Variants in DNAH6 observed in about 807,000 individuals in gnomAD.
DNAH6 encodes axonemal beta dynein heavy chain 6.
DNAH6 carries 340 observed loss-of-function variants against 491.4 expected under a neutral mutation model. The ratio of observed to expected loss-of-function variants is 0.69; its 90% confidence interval spans 0.63 to 0.76. The LOEUF is 0.76. Among genes scored for constraint, DNAH6 ranks in the 30% least tolerant of loss-of-function variants. The pLI, the probability that DNAH6 is intolerant of heterozygous loss-of-function variation, is 0.00. For synonymous variants in DNAH6, 1,603 were observed against 1,686.1 expected (o/e 0.95, Z 1.21); for missense variants, 4,443 against 4,972.2 (o/e 0.89, Z 3.20).
chr2:84,646,000 T>C (rs1689856079), intron 33 of DNAH6, among the ~76,000 whole-genome samples: 1 of 152,254 alleles, frequency 6.6e-6, no homozygotes, highest in African/African-American at 2.4e-5. Flanking sequence ...ACTTCGCAGA[T>C]ATCATATATT....
intron 51 of DNAH6, among the ~76,000 whole-genome samples, chr2:84,704,790 T>C (rs780027691): frequency 3.3e-5 from 5 of 152,250 alleles, no homozygotes; most frequent in Admixed American, 6.5e-5. Flanking sequence ...CTTGGAGATA[T>C]GTAGTTTTCA....
intron 14 of DNAH6, among the ~76,000 whole-genome samples, chr2:84,581,356 G>T (rs539643240): frequency 6.6e-6 from 1 of 152,242 alleles, no homozygotes; most frequent in African/African-American, 2.4e-5. Flanking sequence ...CTTTTTTTTG[G>T]AATGTCATTC....
chr2:84,490,416 T>C, the DNAH6 span, among the ~76,000 whole-genome samples: 1 of 152,060 alleles, frequency 6.6e-6, no homozygotes, highest in East Asian at 1.9e-4. Flanking sequence ...ACAATCAAAA[T>C]ATAGAACTCC....
intron 18 of DNAH6, among the ~76,000 whole-genome samples, chr2:84,596,446 C>G (rs951533939): frequency 6.6e-6 from 1 of 151,948 alleles, no homozygotes; most frequent in East Asian, 1.9e-4. Flanking sequence ...GCCCCAGCCT[C>G]CTGAGTAGCT....
intron 60 of DNAH6, among the ~76,000 whole-genome samples, chr2:84,723,823 C>G (rs747320771): frequency 1.6e-4 from 25 of 152,184 alleles, no homozygotes; most frequent in Non-Finnish European, 1.3e-4. Flanking sequence ...TGTTTTCACC[C>G]CTTATCCTCT....
chr2:84,757,027 A>G (rs1282943057), intron 63 of DNAH6, among the ~76,000 whole-genome samples: 1 of 152,238 alleles, frequency 6.6e-6, no homozygotes, highest in Non-Finnish European at 1.5e-5. Context: ...ATGATCCCGC[A>G]ATCCAGACAT....
intron 18 of DNAH6, among the ~76,000 whole-genome samples, chr2:84,599,743 A>G (rs532372255): frequency 1.6e-4 from 25 of 152,116 alleles, no homozygotes; most frequent in African/African-American, 5.5e-4. Context: ...TTTCATCAAT[A>G]CTACACTTTC....
chr2:84,530,886 T>C (rs146939549), intron 4 of DNAH6, among the ~76,000 whole-genome samples: 1 of 152,184 alleles, frequency 6.6e-6, no homozygotes, highest in Non-Finnish European at 1.5e-5. Context: ...ACCCTGAAAA[T>C]CTGAGACAGT....
intron 72 of DNAH6, among the ~76,000 whole-genome samples, 160 bp downstream of exon 72, chr2:84,808,702 A>G (rs1679677990): frequency 6.6e-6 from 1 of 152,204 alleles, no homozygotes; most frequent in Non-Finnish European, 1.5e-5. Context: ...ATCCTTCTCT[A>G]ATGAATCTGT....
chr2:84,777,255 T>C (rs562146559), intron 64 of DNAH6: 10 of 221,530 alleles, frequency 4.5e-5, no homozygotes, highest in African/African-American at 2.3e-4. Context: ...AATAAATAAA[T>C]AAATATAAAA....
intron 64 of DNAH6, among the ~76,000 whole-genome samples, chr2:84,766,627 C>T (rs971683315): frequency 6.6e-6 from 1 of 151,818 alleles, no homozygotes; most frequent in Non-Finnish European, 1.5e-5. Flanking sequence ...AAAACATAGA[C>T]AAAATATTTA....
chr2:84,626,864 C>T (rs534640462), intron 29 of DNAH6, among the ~76,000 whole-genome samples: 1 of 152,196 alleles, frequency 6.6e-6, no homozygotes, highest in South Asian at 2.1e-4. Flanking sequence ...CTTTGGCCTC[C>T]CAAAGTGCTG....
chr2:84,562,696 C>CAAATATGAATT (rs1680798871), intron 11 of DNAH6, among the ~76,000 whole-genome samples: 1 of 152,196 alleles, frequency 6.6e-6, no homozygotes, highest in Non-Finnish European at 1.5e-5. Flanking sequence ...CCAGGCACAG[C>CAAATATGAATT]TTCCAAGAGT....
chr2:84,750,969 G>C (rs1673415993), intron 63 of DNAH6: 1 of 152,150 alleles, frequency 6.6e-6, no homozygotes, highest in South Asian at 2.1e-4. Context: ...CAGAAATTAA[G>C]AGCTAGACAC....
intron 71 of DNAH6, among the ~76,000 whole-genome samples, chr2:84,806,692 C>T (rs1353573972): frequency 3.4e-5 from 5 of 148,784 alleles, no homozygotes; most frequent in Non-Finnish European, 7.4e-5. Context: ...TTTCTTAGAT[C>T]GATAGGAGAT....
At chr2:84,703,303 T>C (rs1298867623) in intron 49 of DNAH6, 92 bp from the exon 50 acceptor site, 1 of 932,332 alleles carries the variant, frequency 1.1e-6, no homozygotes, top group Non-Finnish European at 1.5e-6. Flanking sequence ...TCTGTAGACG[T>C]AAAAGTCTAA....
the DNAH6 span, among the ~76,000 whole-genome samples, chr2:84,467,157 T>C: frequency 6.6e-6 from 1 of 152,362 alleles, no homozygotes; most frequent in African/African-American, 2.4e-5. Flanking sequence ...GAATCTCTTT[T>C]ACAATTAATG....
At chr2:84,468,894 A>C in the DNAH6 span, among the ~76,000 whole-genome samples, 1 of 152,202 alleles carries the variant, frequency 6.6e-6, no homozygotes, top group Non-Finnish European at 1.5e-5. Context: ...CAAAAGGTCA[A>C]GCTTCCAAGG....
intron 64 of DNAH6, among the ~76,000 whole-genome samples, chr2:84,775,671 A>G (rs1162059236): frequency 5.9e-5 from 9 of 152,036 alleles, no homozygotes; most frequent in African/African-American, 1.7e-4. Context: ...TTTATTCCCA[A>G]TTCAATTTCA....
Sources: gnomAD v4.1 joint callset for allele counts (sites outside exome capture counted in the v4.1 genomes callset) on GRCh38, gnomAD v4.1.1 for gene constraint, MANE v1.5 for transcripts, NCBI Gene and HGNC (gene_info 2026-07-23, HGNC 2026-07-21) for gene names.